JARID2: variants seen among roughly 807,000 people sequenced by gnomAD.
The protein encoded by JARID2 is jumonji and AT-rich interaction domain containing 2.
In JARID2, 21 loss-of-function variants were observed where a neutral mutation model predicts 125.6. That is an observed-to-expected ratio of 0.17 (90% CI 0.12 to 0.24). The LOEUF is 0.24. Among genes scored for constraint, JARID2 ranks in the 10% least tolerant of loss-of-function variants. JARID2 has a pLI of 1.00. For synonymous variants in JARID2, 736 were observed against 661.6 expected, an observed-to-expected ratio of 1.11 and a Z score of -1.73; for missense variants, 1,303 against 1,639.6, an observed-to-expected ratio of 0.79 and a Z score of 3.55.
chr6:15,471,283 C>T (rs1769064223), intron 5 of JARID2, among the ~76,000 whole-genome samples: 1 of 152,188 alleles, frequency 6.6e-6, no homozygotes, highest in Admixed American at 6.5e-5. Flanking sequence ...CTGCTTGAAG[C>T]CTCCTGAATA....
chr6:15,274,261 G>C (rs1437438847), intron 1 of JARID2, among the ~76,000 whole-genome samples: 1 of 152,034 alleles, frequency 6.6e-6, no homozygotes, highest in East Asian at 1.9e-4. Context: ...GGAGTTTTTG[G>C]GGGGCATTAA....
intron 7 of JARID2, 150 bp downstream of exon 7, chr6:15,497,320 C>T: frequency 3.0e-6 from 2 of 665,802 alleles, no homozygotes; most frequent in East Asian, 5.6e-5. Context: ...AGCTCATTCC[C>T]CCTGCAGCCC....
At chr6:15,492,148 C>G (rs1272124485) in intron 6 of JARID2, among the ~76,000 whole-genome samples, 2 of 152,238 alleles carry the variant, frequency 1.3e-5, no homozygotes, top group African/African-American at 4.8e-5. Flanking sequence ...CTGCAGACAC[C>G]TCACTTTCTG....
chr6:15,502,840 A>T (rs13194650), intron 8 of JARID2, among the ~76,000 whole-genome samples: 35,163 of 152,106 alleles, frequency 0.23, 4,294 homozygotes, highest in Middle Eastern at 0.36. Context: ...TGCTGGATGC[A>T]GCCTGCCAAG....
At chr6:15,322,382 A>G (rs898749845) in intron 1 of JARID2, among the ~76,000 whole-genome samples, 1 of 152,158 alleles carries the variant, frequency 6.6e-6, no homozygotes, top group African/African-American at 2.4e-5. Flanking sequence ...CACTCTCTGG[A>G]CCAATTATTG....
chr6:15,454,186 T>A (rs1026567001), intron 4 of JARID2, among the ~76,000 whole-genome samples: 2 of 152,176 alleles, frequency 1.3e-5, no homozygotes, highest in African/African-American at 4.8e-5. Context: ...GCTTCTCTGC[T>A]GCCCCCACGA....
chr6:15,505,912 T>C (rs997972699), intron 9 of JARID2, among the ~76,000 whole-genome samples: 3 of 152,234 alleles, frequency 2.0e-5, no homozygotes, highest in African/African-American at 7.2e-5. Flanking sequence ...GGGCTGAGCG[T>C]TGGACCTGGG....
intron 1 of JARID2, chr6:15,248,063 G>C (rs1759252901): frequency 1.0e-6 from 1 of 985,330 alleles, no homozygotes; most frequent in Non-Finnish European, 1.2e-6. Flanking sequence ...GCGTGGGGTG[G>C]GTTTTCTTTC....
chr6:15,276,786 G>A (rs935512341), intron 1 of JARID2, among the ~76,000 whole-genome samples: 13 of 152,314 alleles, frequency 8.5e-5, no homozygotes, highest in Admixed American at 4.6e-4. Context: ...CCAGGCTGTT[G>A]CTTTCAGTAT....
intron 7 of JARID2, 65 bp downstream of exon 7, chr6:15,497,235 C>T: frequency 1.6e-6 from 2 of 1,226,214 alleles, no homozygotes; most frequent in Middle Eastern, 2.1e-4. Context: ...CTGCAGTTCC[C>T]TCACAGTCTT....
At chr6:15,261,752 G>A (rs1759886740) in intron 1 of JARID2, among the ~76,000 whole-genome samples, 1 of 150,210 alleles carries the variant, frequency 6.7e-6, no homozygotes, top group Non-Finnish European at 1.5e-5. Context: ...ACGTCCTACT[G>A]TATATTGTAT....
chr6:15,320,515 C>A (rs1762315753), intron 1 of JARID2, among the ~76,000 whole-genome samples: 1 of 152,124 alleles, frequency 6.6e-6, no homozygotes, highest in African/African-American at 2.4e-5. Flanking sequence ...TGTTAATTAT[C>A]AAAAACCATA....
chr6:15,380,467 T>C (rs539018778), intron 2 of JARID2, among the ~76,000 whole-genome samples: 1 of 152,326 alleles, frequency 6.6e-6, no homozygotes, highest in South Asian at 2.1e-4. Context: ...AGACTGTGAA[T>C]TGGTTTCCTC....
At chr6:15,465,769 T>G (rs976193248) in intron 4 of JARID2, among the ~76,000 whole-genome samples, 3 of 152,076 alleles carry the variant, frequency 2.0e-5, no homozygotes, top group African/African-American at 7.3e-5. Flanking sequence ...TGGATCTTAC[T>G]GCTGTATTTT....
chr6:15,509,490 G>A (rs144924665), intron 12 of JARID2: 3,426 of 338,966 alleles, frequency 0.01, 25 homozygotes, highest in Middle Eastern at 0.016. Flanking sequence ...GTGTGCCATG[G>A]ACGGTGATCA....
intron 3 of JARID2, among the ~76,000 whole-genome samples, chr6:15,444,571 C>T (rs1294073427): frequency 6.6e-6 from 1 of 151,194 alleles, no homozygotes; most frequent in Non-Finnish European, 1.5e-5. Context: ...GTCTGGGGGG[C>T]GAATGGAGTG....
chr6:15,472,286 T>C (rs190279404), intron 5 of JARID2, among the ~76,000 whole-genome samples: 1 of 152,258 alleles, frequency 6.6e-6, no homozygotes, highest in African/African-American at 2.4e-5. Context: ...TGTCATCCTT[T>C]CTTTTACAAT....
At chr6:15,414,155 T>G (rs1276026405) in intron 3 of JARID2, among the ~76,000 whole-genome samples, 1 of 152,192 alleles carries the variant, frequency 6.6e-6, no homozygotes, top group Admixed American at 6.5e-5. Flanking sequence ...AGAGGGATTG[T>G]ATGTGCTTGA....
intron 2 of JARID2, among the ~76,000 whole-genome samples, chr6:15,391,761 A>C (rs1161838952): frequency 1.3e-5 from 2 of 152,196 alleles, no homozygotes; most frequent in African/African-American, 2.4e-5. Context: ...GGAGCAAGGC[A>C]TGCCTTCACT....
Sources: allele counts gnomAD v4.1 joint callset (sites outside exome capture counted in the v4.1 genomes callset), GRCh38; gene constraint gnomAD v4.1.1; transcripts MANE v1.5; gene names NCBI Gene and HGNC (gene_info 2026-07-23, HGNC 2026-07-21).